Variants in COA1 observed in about 807,000 individuals in gnomAD.
COA1 encodes cytochrome c oxidase assembly factor 1 homolog.
Under a neutral mutation model 16.0 loss-of-function variants are expected in COA1, and 13 were observed. The ratio of observed to expected loss-of-function variants is 0.81; its 90% CI spans 0.53 to 1.29. The LOEUF is 1.29. Among genes scored for constraint, COA1 ranks in the 50% most tolerant of loss-of-function variants. COA1 has a pLI of 0.00. For missense variants in COA1, 179 were observed against 177.0 expected, an observed-to-expected ratio of 1.01 and a Z score of -0.06; for synonymous variants, 65 against 65.7, an observed-to-expected ratio of 0.99 and a Z score of 0.05.
chr7:43,691,421 A>AAAAGAAAGAAAGAAAGAAAG (rs375210311), intron 1 of COA1, among the ~76,000 whole-genome samples: 2 of 87,458 alleles, frequency 2.3e-5, no homozygotes, highest in Non-Finnish European at 4.4e-5. Flanking sequence ...GGAAGAAAGA[A>AAAAGAAAGAAAGAAAGAAAG]AAAGAAAGAA....
intron 1 of COA1, among the ~76,000 whole-genome samples, chr7:43,652,472 A>G (rs2153114512): frequency 6.6e-6 from 1 of 152,284 alleles, no homozygotes; most frequent in South Asian, 2.1e-4. Flanking sequence ...TTAAGAAAGA[A>G]AGGTTCTGAA....
chr7:43,659,033 T>G (rs746682772), intron 1 of COA1: 2 of 152,256 alleles, frequency 1.3e-5, no homozygotes. Flanking sequence ...ACAGTATGAC[T>G]TGCTTTTTGT....
intron 4 of COA1, 153 bp from the exon 5 acceptor site, chr7:43,640,802 C>T: frequency 1.7e-6 from 1 of 577,810 alleles, no homozygotes. Flanking sequence ...GCTGGAGAAT[C>T]CACTTGATTT....
chr7:43,707,876 G>C (rs2095057606), intron 1 of COA1, among the ~76,000 whole-genome samples: 1 of 152,190 alleles, frequency 6.6e-6, no homozygotes, highest in African/African-American at 2.4e-5. Flanking sequence ...TTCTGTGGAA[G>C]TAAAATTACA....
intron 2 of COA1, chr7:43,648,280 G>A (rs775005226): frequency 1.6e-5 from 7 of 448,914 alleles, no homozygotes; most frequent in South Asian, 3.6e-5. Flanking sequence ...TAATGAAAAC[G>A]GTCAGAGCAT....
intron 1 of COA1, chr7:43,650,286 C>T (rs1489072624): frequency 6.6e-6 from 1 of 151,984 alleles, no homozygotes; most frequent in African/African-American, 2.4e-5. Flanking sequence ...GCAAGTGTGC[C>T]GCAAAAGGGT....
At chr7:43,702,706 A>C (rs980829521) in intron 1 of COA1, among the ~76,000 whole-genome samples, 2 of 152,116 alleles carry the variant, frequency 1.3e-5, no homozygotes, top group African/African-American at 4.8e-5. Context: ...GTTGGTGGTA[A>C]CGTCACCTTT....
At chr7:43,708,645 T>C (rs1050580951) in intron 1 of COA1, among the ~76,000 whole-genome samples, 3 of 152,218 alleles carry the variant, frequency 2.0e-5, no homozygotes, top group African/African-American at 7.2e-5. Flanking sequence ...CACTTGGATA[T>C]TCTTTTTGGT....
chr7:43,663,753 C>T (rs1020941166), intron 1 of COA1, among the ~76,000 whole-genome samples: 23 of 151,430 alleles, frequency 1.5e-4, no homozygotes, highest in Admixed American at 7.2e-4. Flanking sequence ...ATCCCCCAAG[C>T]CCCAGCAACT....
exon 7 of COA1, chr7:43,608,509 A>G (rs1583562007): frequency 1.5e-6 from 2 of 1,334,960 alleles, no homozygotes; most frequent in East Asian, 4.7e-5. Context: ...TTATTAGGTA[A>G]CAAGGATATT....
chr7:43,641,309 T>G (rs2153068431), intron 4 of COA1: 1 of 98,656 alleles, frequency 1.0e-5, no homozygotes, highest in South Asian at 3.9e-4. Flanking sequence ...GAATGTAAAT[T>G]TTACCTCAAA....
At chr7:43,662,293 G>C (rs138830895) in intron 1 of COA1, among the ~76,000 whole-genome samples, 4 of 152,200 alleles carry the variant, frequency 2.6e-5, no homozygotes, top group African/African-American at 9.7e-5. Context: ...GCAGTGGCAC[G>C]ATCCTGGCTC....
chr7:43,658,148 G>A (rs1160834376), intron 1 of COA1, among the ~76,000 whole-genome samples: 2 of 151,994 alleles, frequency 1.3e-5, no homozygotes, highest in East Asian at 1.9e-4. Flanking sequence ...AGGCCGAGGC[G>A]GGTGGATCAC....
At chr7:43,636,573 T>G (rs2085912543), downstream of COA1, among the ~76,000 whole-genome samples, 1 of 152,226 alleles carries the variant, frequency 6.6e-6, no homozygotes, top group Non-Finnish European at 1.5e-5. Flanking sequence ...TTCCCTGGCC[T>G]TGCTGGTGGC....
chr7:43,627,029 TA>T (rs1293655617), intron 6 of COA1, among the ~76,000 whole-genome samples: 4 of 152,244 alleles, frequency 2.6e-5, no homozygotes. Context: ...GCTCTACACT[TA>T]TCTAAAGCTG....
chr7:43,644,638 T>C (rs964919651), intron 4 of COA1, among the ~76,000 whole-genome samples: 1 of 151,964 alleles, frequency 6.6e-6, no homozygotes, highest in African/African-American at 2.4e-5. Flanking sequence ...GCGATCCTCC[T>C]GCTTCAGCCT....
rs548036132 is a variant in COA1, at chr7:43,613,597, C to G, written c.*134-4102G>C. On this transcript the variant is annotated intron_variant and NMD_transcript_variant, in intron 6 of 6. Coordinates refer to the COA1 transcript ENST00000415076. ...GTGGCTCACACCTGTAATCCCAGCA[C>G]TTTGGGAGGCTGAGGTAGAAGGACC... 8.5e-4 allele frequency among the ~76,000 whole-genome samples: 129 copies of G among 152,184 alleles called. 1 individual carries two copies. The South Asian group carries it at 0.014, about 16-fold the overall frequency.
intron 6 of COA1, among the ~76,000 whole-genome samples, chr7:43,610,121 C>T (rs536021281): frequency 5.9e-5 from 9 of 152,008 alleles, no homozygotes; most frequent in African/African-American, 9.6e-5. Flanking sequence ...CCGAGGTGGG[C>T]GGATCACAAG....
chr7:43,703,432 T>C (rs1042030778), intron 1 of COA1, among the ~76,000 whole-genome samples: 19 of 152,208 alleles, frequency 1.2e-4, no homozygotes, highest in African/African-American at 3.9e-4. Flanking sequence ...AGCAGGGTAT[T>C]GAAGTCTCCC....
Sources: allele counts gnomAD v4.1 joint callset (sites outside exome capture counted in the v4.1 genomes callset), GRCh38; gene constraint gnomAD v4.1.1; transcripts MANE v1.5; gene names NCBI Gene and HGNC (gene_info 2026-07-23, HGNC 2026-07-21).